PPFIA2: variants seen among roughly 807,000 people sequenced by gnomAD.
PPFIA2 encodes the protein liprin-alpha-2.
In PPFIA2, 46 loss-of-function variants were observed where a neutral mutation model predicts 175.5. The observed-to-expected ratio is 0.26, with a 90% CI of 0.21 to 0.34. The LOEUF is 0.34. Ranked by LOEUF, PPFIA2 falls within the 10% of genes least tolerant of loss-of-function variation. The pLI is 1.00. For synonymous variants in PPFIA2, 568 were observed against 511.4 expected, an observed-to-expected ratio of 1.11 and a Z score of -1.49; for missense variants, 1,179 against 1,506.1, an observed-to-expected ratio of 0.78 and a Z score of 3.60.
chr12:81,374,590 T>C, intron 11 of PPFIA2, 44 bp downstream of exon 11: 1 of 1,530,988 alleles, frequency 6.5e-7, no homozygotes, highest in African/African-American at 1.4e-5. Flanking sequence ...TACAAGTCCT[T>C]TCTACAAATA....
At chr12:81,470,716 T>C (rs2056580174) in intron 4 of PPFIA2, among the ~76,000 whole-genome samples, 1 of 152,222 alleles carries the variant, frequency 6.6e-6, no homozygotes, top group Non-Finnish European at 1.5e-5. Flanking sequence ...TATACTTTTT[T>C]GTTGTTTTAT....
chr12:81,484,894 T>G (rs1227051329), intron 4 of PPFIA2, among the ~76,000 whole-genome samples: 1 of 151,896 alleles, frequency 6.6e-6, no homozygotes, highest in Non-Finnish European at 1.5e-5. Flanking sequence ...TTTTCTTTCT[T>G]TGAATCAGTA....
At position 81,259,653 on chromosome 12, in the gene PPFIA2, G is replaced by C; in HGVS notation, c.*41C>G. ...CACTTTAGGTAGAGTAGACTGAAAAGACGCCATCTAAAATATACAATGGAT... is the reference window on the plus strand; with the variant it reads ...CACTTTAGGTAGAGTAGACTGAAAACACGCCATCTAAAATATACAATGGAT... On this transcript the variant is annotated 3_prime_UTR_variant, in exon 33 of 33. Coordinates refer to ENST00000549396, the MANE Select transcript of PPFIA2 (RefSeq NM_003625.5). 6.5e-7 allele frequency: 1 copy of C among 1,534,448 alleles called. No individual in the cohort carries two copies. Among genetic ancestry groups the C allele is most frequent in the African/African-American group, 1.4e-5 (1 of 73,054 alleles).
In PPFIA2 at chr12:81,347,606, C is replaced by G; in HGVS notation, c.2159G>C (p.Ser720Thr). The G allele has an allele frequency of 6.2e-7, 1 of 1,613,746 alleles. No individual in the cohort carries two copies. The highest frequency in any genetic ancestry group is 8.5e-7 in the Non-Finnish European group (1 of 1,179,774). ...GGTGAGCTTTGGAGTTGAGTGTCCA[C>G]TGGGGGGAGATGAACTGGCCAGCGA... The part of the protein sequence containing the change: ...ASSLASSSPP[S>T]GHSTPKLTPR... Residue 720 changes from serine to threonine, a missense_variant, in exon 18 of 33, where the codon AGT becomes ACT. Transcript: ENST00000549396.
intron 8 of PPFIA2, among the ~76,000 whole-genome samples, chr12:81,386,364 T>C (rs1234924997): frequency 6.6e-6 from 1 of 151,668 alleles, no homozygotes; most frequent in East Asian, 1.9e-4. Flanking sequence ...TGGCTGGCTC[T>C]TGTAATCCCA....
intron 9 of PPFIA2, among the ~76,000 whole-genome samples, chr12:81,380,852 C>T (rs1335640144): frequency 2.6e-5 from 4 of 151,984 alleles, no homozygotes; most frequent in Non-Finnish European, 5.9e-5. Flanking sequence ...ATGTAATACA[C>T]CCGTAATAGT....
At chr12:81,389,609 A>C in intron 8 of PPFIA2, among the ~76,000 whole-genome samples, 1 of 152,074 alleles carries the variant, frequency 6.6e-6, no homozygotes, top group South Asian at 2.1e-4. Context: ...TCGTGAGCTT[A>C]CTGTGTGTCT....
At chr12:81,374,209 A>G (rs1454024978) in intron 11 of PPFIA2, among the ~76,000 whole-genome samples, 1 of 152,058 alleles carries the variant, frequency 6.6e-6, no homozygotes, top group Non-Finnish European at 1.5e-5. Flanking sequence ...CTAACTTCCC[A>G]CTTCTAACAA....
intron 4 of PPFIA2, among the ~76,000 whole-genome samples, chr12:81,659,452 C>T (rs560768166): frequency 1.3e-5 from 2 of 152,298 alleles, no homozygotes; most frequent in East Asian, 3.9e-4. Context: ...GAGCCTTGCT[C>T]ATTGCTAGCA....
chr12:81,659,924 G>C (rs997853061), intron 4 of PPFIA2, among the ~76,000 whole-genome samples: 2 of 151,250 alleles, frequency 1.3e-5, no homozygotes, highest in African/African-American at 4.8e-5. Context: ...CAGCCTCCAC[G>C]CTCCAGGCAA....
intron 4 of PPFIA2, among the ~76,000 whole-genome samples, chr12:81,521,271 A>C (rs1395454806): frequency 6.6e-6 from 1 of 152,076 alleles, no homozygotes; most frequent in African/African-American, 2.4e-5. Flanking sequence ...AGCCTTCTGC[A>C]TGCCCTCTTT....
chr12:81,736,199 T>C (rs750462240), intron 3 of PPFIA2, among the ~76,000 whole-genome samples: 71 of 152,052 alleles, frequency 4.7e-4, no homozygotes, highest in Non-Finnish European at 8.4e-4. Context: ...AAAACATGAA[T>C]GTCTCTACAT....
intron 4 of PPFIA2, among the ~76,000 whole-genome samples, chr12:81,658,268 C>CAAAAA (rs1318255722): frequency 5.2e-5 from 6 of 114,442 alleles, no homozygotes; most frequent in East Asian, 2.4e-4. Flanking sequence ...AACTCCATCT[C>CAAAAA]AAAAAAAAAA....
At chr12:81,401,345 A>C (rs2042067577) in intron 8 of PPFIA2, among the ~76,000 whole-genome samples, 1 of 152,148 alleles carries the variant, frequency 6.6e-6, no homozygotes, top group Non-Finnish European at 1.5e-5. Flanking sequence ...TATTCTTATA[A>C]CTCTGTAAGT....
intron 4 of PPFIA2, among the ~76,000 whole-genome samples, chr12:81,574,698 T>G (rs1274491079): frequency 6.6e-6 from 1 of 151,666 alleles, no homozygotes; most frequent in Non-Finnish European, 1.5e-5. Flanking sequence ...ATAAATGTTT[T>G]ATTATTATTG....
At chr12:81,741,432 T>G (rs906996893) in intron 3 of PPFIA2, among the ~76,000 whole-genome samples, 1 of 152,180 alleles carries the variant, frequency 6.6e-6, no homozygotes, top group Non-Finnish European at 1.5e-5. Context: ...TTGTTTTCAT[T>G]TATTTAGTAT....
At chr12:81,277,269 T>TA in intron 28 of PPFIA2, 48 bp downstream of exon 28, 1 of 1,482,054 alleles carries the variant, frequency 6.7e-7, no homozygotes, top group Non-Finnish European at 9.0e-7. Flanking sequence ...AAGTGAAAGC[T>TA]AAAAACCCCA....
chr12:81,300,180 A>G (rs917471574), intron 22 of PPFIA2, among the ~76,000 whole-genome samples: 3 of 152,202 alleles, frequency 2.0e-5, no homozygotes, highest in African/African-American at 7.2e-5. Context: ...CCAATTTGAG[A>G]TCACTCATTG....
chr12:81,412,622 C>G (rs2044192372), intron 7 of PPFIA2, among the ~76,000 whole-genome samples: 1 of 151,816 alleles, frequency 6.6e-6, no homozygotes, highest in Non-Finnish European at 1.5e-5. Flanking sequence ...TGAAACATTC[C>G]TTAAATATGC....
Sources: allele counts gnomAD v4.1 joint callset (sites outside exome capture counted in the v4.1 genomes callset), GRCh38; gene constraint gnomAD v4.1.1; transcripts MANE v1.5; gene names NCBI Gene and HGNC (gene_info 2026-07-23, HGNC 2026-07-21).